Variants in FHIT observed in about 807,000 individuals in gnomAD.
The protein encoded by FHIT is bis(5'-adenosyl)-triphosphatase.
FHIT carries 19 observed loss-of-function variants against 17.9 expected under a neutral mutation model. That is an observed-to-expected ratio of 1.06 (90% CI 0.74 to 1.56). The LOEUF (loss-of-function observed/expected upper bound fraction) is 1.56. Among genes scored for constraint, FHIT ranks in the 40% most tolerant of loss-of-function variants. The probability of loss-of-function intolerance (pLI) is 0.00; values close to 1 mark genes in which losing one functional copy is unlikely to be tolerated. For synonymous variants in FHIT, 81 were observed against 69.7 expected, an observed-to-expected ratio of 1.16 and a Z score of -0.81; for missense variants, 248 against 189.2, an observed-to-expected ratio of 1.31 and a Z score of -1.82.
chr3:60,266,464 T>TA (rs1706581624), intron 5 of FHIT, among the ~76,000 whole-genome samples: 1 of 152,094 alleles, frequency 6.6e-6, no homozygotes, highest in African/African-American at 2.4e-5. Context: ...GAAAATGGTC[T>TA]AAAAATGACT....
Position 59,749,556 on chromosome 3 carries a change from T to A in FHIT, c.*29A>T, listed in dbSNP as rs1700771131. Reference sequence around the variant, plus strand: ...AACTGGTTGGCAATAGCTCTTTTGCTGGAATTCAGGATCTGAAAAACATCT... The same window carrying A: ...AACTGGTTGGCAATAGCTCTTTTGCAGGAATTCAGGATCTGAAAAACATCT... On this transcript the variant is annotated 3_prime_UTR_variant, in exon 10 of 10. Coordinates refer to ENST00000492590, the MANE Select transcript of FHIT (RefSeq NM_002012.4). The A allele has an allele frequency of 8.6e-6, 2 of 231,318 alleles. No individual in the cohort carries two copies. The highest frequency in any genetic ancestry group is 3.6e-4 in the South Asian group (2 of 5,512). The allele number at this position is 231,318 out of a possible 1,614,324, so 14.3% of individuals were successfully genotyped here.
At chr3:60,996,635 G>A (rs1365559887) in intron 3 of FHIT, among the ~76,000 whole-genome samples, 2 of 152,100 alleles carry the variant, frequency 1.3e-5, no homozygotes, top group Non-Finnish European at 1.5e-5. Context: ...TTGAATCCAC[G>A]ACCACATACT....
At chr3:60,103,652 C>A (rs10510826) in intron 5 of FHIT, among the ~76,000 whole-genome samples, 3 of 151,986 alleles carry the variant, frequency 2.0e-5, no homozygotes, top group South Asian at 2.1e-4. Context: ...TACCCTTGTA[C>A]GGAGAAGGCA....
At chr3:60,144,381 T>C (rs1258448552) in intron 5 of FHIT, among the ~76,000 whole-genome samples, 1 of 152,182 alleles carries the variant, frequency 6.6e-6, no homozygotes, top group Admixed American at 6.5e-5. Flanking sequence ...AGGAGGTAGT[T>C]ATTTTTATTC....
At chr3:60,486,689 T>C (rs951405948) in intron 5 of FHIT, among the ~76,000 whole-genome samples, 3 of 152,178 alleles carry the variant, frequency 2.0e-5, no homozygotes, top group Non-Finnish European at 4.4e-5. Flanking sequence ...GCTTCAAAGA[T>C]GTACTTTTGA....
intron 3 of FHIT, among the ~76,000 whole-genome samples, chr3:61,040,812 T>C (rs1344370648): frequency 1.3e-5 from 2 of 152,176 alleles, no homozygotes; most frequent in Non-Finnish European, 2.9e-5. Context: ...AAGAGCCACT[T>C]ATACCTTATT....
intron 5 of FHIT, among the ~76,000 whole-genome samples, chr3:60,035,751 A>C (rs1200471477): frequency 6.6e-6 from 1 of 152,172 alleles, no homozygotes; most frequent in Non-Finnish European, 1.5e-5. Context: ...TCTCGCCAGC[A>C]CTTCAAGGTT....
intron 5 of FHIT, among the ~76,000 whole-genome samples, chr3:60,385,675 G>A (rs865971375): frequency 1.3e-5 from 2 of 152,118 alleles, no homozygotes; most frequent in Non-Finnish European, 2.9e-5. Context: ...GATCTCCCAG[G>A]CTCAAAGGAT....
intron 3 of FHIT, among the ~76,000 whole-genome samples, chr3:61,041,588 A>G (rs1281388123): frequency 6.6e-6 from 1 of 151,910 alleles, no homozygotes; most frequent in Non-Finnish European, 1.5e-5. Flanking sequence ...TGACAAACTC[A>G]CAATTGCTGA....
chr3:60,716,639 C>A (rs2107952473), intron 4 of FHIT, among the ~76,000 whole-genome samples: 1 of 152,232 alleles, frequency 6.6e-6, no homozygotes, highest in East Asian at 1.9e-4. Flanking sequence ...AGTAGAAGTA[C>A]ATGCTAAAAT....
At chr3:60,541,410 C>A (rs1343144975) in intron 4 of FHIT, among the ~76,000 whole-genome samples, 1 of 152,156 alleles carries the variant, frequency 6.6e-6, no homozygotes, top group African/African-American at 2.4e-5. Flanking sequence ...TTTCCCTCCC[C>A]AGAATCTACT....
At chr3:60,349,456 G>A (rs184634735) in intron 5 of FHIT, among the ~76,000 whole-genome samples, 2 of 152,122 alleles carry the variant, frequency 1.3e-5, no homozygotes, top group Non-Finnish European at 2.9e-5. Context: ...ATGTTTTCTG[G>A]AATGCTTGCT....
chr3:60,092,016 G>A (rs763539477), intron 5 of FHIT, among the ~76,000 whole-genome samples: 3 of 152,062 alleles, frequency 2.0e-5, no homozygotes, highest in African/African-American at 7.2e-5. Context: ...CCCCTGGTTG[G>A]CTGCTACCCA....
intron 5 of FHIT, among the ~76,000 whole-genome samples, chr3:60,521,160 G>A (rs2035343932): frequency 6.6e-6 from 1 of 151,750 alleles, no homozygotes; most frequent in Admixed American, 6.6e-5. Flanking sequence ...TACAAATTTA[G>A]GGCTACCATT....
chr3:60,051,729 C>G (rs1001508373), intron 5 of FHIT, among the ~76,000 whole-genome samples: 3 of 152,162 alleles, frequency 2.0e-5, no homozygotes, highest in African/African-American at 7.2e-5. Context: ...TTTGATCCAA[C>G]TCTAAGCTGC....
chr3:61,021,915 C>T (rs867049802), intron 3 of FHIT, among the ~76,000 whole-genome samples: 3 of 151,966 alleles, frequency 2.0e-5, no homozygotes, highest in African/African-American at 4.8e-5. Context: ...AATCGACACC[C>T]TAACCTCACA....
At chr3:60,692,242 CA>C (rs528890522) in intron 4 of FHIT, among the ~76,000 whole-genome samples, 1 of 152,154 alleles carries the variant, frequency 6.6e-6, no homozygotes, top group Non-Finnish European at 1.5e-5. Flanking sequence ...CAGATCCTGA[CA>C]AACATATTTC....
chr3:61,207,966 C>T (rs1576218779), intron 1 of FHIT, among the ~76,000 whole-genome samples: 1 of 151,966 alleles, frequency 6.6e-6, no homozygotes, highest in Admixed American at 6.6e-5. Context: ...CTATAAATTT[C>T]CCTCTATACA....
rs1170068051 is a variant in FHIT at position 60,079,866 on chromosome 3, G to GA, written c.104-65715dup. 5.3e-5 allele frequency among the ~76,000 whole-genome samples: 8 copies of GA among 151,818 alleles called. No individual in the cohort carries two copies. The East Asian group carries it at 1.5e-3, about 29-fold the overall frequency. ...TGCATTCTTATTGTTCATCAGATCTGAAAAAAATAATGCCCAGAATGTCAA... is the reference window on the plus strand; with the variant it reads ...TGCATTCTTATTGTTCATCAGATCTGAAAAAAAATAATGCCCAGAATGTCAA... On this transcript the variant is annotated intron_variant, in intron 5 of 9. Coordinates refer to ENST00000492590, the MANE Select transcript of FHIT (RefSeq NM_002012.4).
Sources: allele counts gnomAD v4.1 joint callset (sites outside exome capture counted in the v4.1 genomes callset), GRCh38; gene constraint gnomAD v4.1.1; transcripts MANE v1.5; gene names NCBI Gene and HGNC (gene_info 2026-07-23, HGNC 2026-07-21).